The following CRADD variants were observed in gnomAD, a reference collection of about 807,000 sequenced individuals.
CRADD encodes the protein CARD and death domain containing adaptor protein.
CRADD carries 9 observed loss-of-function variants against 15.5 expected under a neutral mutation model. That is an observed-to-expected ratio of 0.58 (90% CI 0.35 to 1.01). CRADD has a LOEUF of 1.01. CRADD is among the 50% of genes least tolerant of loss of function. CRADD has a pLI of 0.02. For missense variants in CRADD, 227 were observed against 250.3 expected (o/e 0.91, Z 0.63); for synonymous variants, 118 against 107.6 (o/e 1.10, Z -0.60).
intron 2 of CRADD, among the ~76,000 whole-genome samples, chr12:93,710,214 T>C (rs1424847191): frequency 6.6e-6 from 1 of 152,216 alleles, no homozygotes; most frequent in Non-Finnish European, 1.5e-5. Flanking sequence ...TCCTGTTGGC[T>C]GTGCACTAGA....
At chr12:93,740,403 G>T (rs1003095871) in intron 2 of CRADD, among the ~76,000 whole-genome samples, 2 of 152,024 alleles carry the variant, frequency 1.3e-5, no homozygotes, top group Admixed American at 6.5e-5. Flanking sequence ...AATTCTAAGG[G>T]TTATAAGCCA....
chr12:93,789,709 A>G (rs1403051980), intron 2 of CRADD, among the ~76,000 whole-genome samples: 1 of 148,932 alleles, frequency 6.7e-6, no homozygotes, highest in Non-Finnish European at 1.5e-5. Flanking sequence ...GTGTGAAAGC[A>G]TATCAAATTG....
At chr12:93,751,290 G>A (rs1438956690) in intron 2 of CRADD, among the ~76,000 whole-genome samples, 2 of 152,172 alleles carry the variant, frequency 1.3e-5, no homozygotes, top group African/African-American at 4.8e-5. Flanking sequence ...CCTACAGTGA[G>A]GGCAGTCTGT....
intron 2 of CRADD, among the ~76,000 whole-genome samples, chr12:93,764,511 T>C (rs781124410): frequency 2.2e-4 from 34 of 152,162 alleles, no homozygotes; most frequent in Non-Finnish European, 3.8e-4. Flanking sequence ...CTCTTATTGA[T>C]AGATTTTAAT....
At chr12:93,873,307 G>T (rs1958435552) in intron 2 of CRADD, among the ~76,000 whole-genome samples, 1 of 151,986 alleles carries the variant, frequency 6.6e-6, no homozygotes, top group Non-Finnish European at 1.5e-5. Flanking sequence ...TAGTTTCTTT[G>T]TGGAGTCTTT....
At chr12:93,843,173 G>A (rs543674603) in intron 2 of CRADD, among the ~76,000 whole-genome samples, 2 of 152,174 alleles carry the variant, frequency 1.3e-5, no homozygotes, top group South Asian at 2.1e-4. Context: ...GCAATTAGAA[G>A]GTGCAAGCCA....
At chr12:93,773,812 A>ATTT (rs1363066592) in intron 2 of CRADD, among the ~76,000 whole-genome samples, 1 of 62,714 alleles carries the variant, frequency 1.6e-5, no homozygotes, top group African/African-American at 6.5e-5. Flanking sequence ...CTACTTTGTG[A>ATTT]GTTTTTTTTT....
At chr12:93,807,060 G>C (rs1317488406) in intron 2 of CRADD, among the ~76,000 whole-genome samples, 1 of 152,146 alleles carries the variant, frequency 6.6e-6, no homozygotes, top group Non-Finnish European at 1.5e-5. Context: ...ATCATTTAGT[G>C]TAGCACACCA....
In CRADD at chr12:93,689,299, G is replaced by A. The variant is rs542075685; in HGVS notation, c.298+10227G>A. On this transcript the variant is annotated intron_variant, in intron 2 of 2. Coordinates refer to ENST00000332896, the MANE Select transcript of CRADD (RefSeq NM_003805.5). ...AGCAAGGTAGTGTTCTCTTTTTATG[G>A]GTGTAGTTCAAACTTGTAGGCTGCT... 1.1e-4 allele frequency among the ~76,000 whole-genome samples: 17 copies of A among 152,204 alleles called. No homozygotes were observed. In the South Asian group the frequency reaches 3.5e-3, roughly 32 times the overall value.
intron 2 of CRADD, among the ~76,000 whole-genome samples, chr12:93,752,690 G>T (rs1009589635): frequency 6.6e-6 from 1 of 152,154 alleles, no homozygotes; most frequent in Non-Finnish European, 1.5e-5. Context: ...AATTTATAAA[G>T]AAAAAGAGAT....
chr12:93,751,972 A>G (rs559585578), intron 2 of CRADD, among the ~76,000 whole-genome samples: 57 of 152,318 alleles, frequency 3.7e-4, no homozygotes, highest in Non-Finnish European at 7.3e-4. Flanking sequence ...CTCATTTTTC[A>G]TACTGTAGTT....
intron 2 of CRADD, among the ~76,000 whole-genome samples, chr12:93,791,360 C>T (rs943648870): frequency 6.6e-6 from 1 of 151,946 alleles, no homozygotes; most frequent in Non-Finnish European, 1.5e-5. Context: ...GGAAGGAAAC[C>T]CTGTCATTTG....
chr12:93,856,902 G>A (rs1423075422), intron 2 of CRADD, among the ~76,000 whole-genome samples: 1 of 152,082 alleles, frequency 6.6e-6, no homozygotes. Flanking sequence ...GTTTTTAAAT[G>A]TAATAACTGC....
chr12:93,715,090 G>A (rs2136872331), intron 2 of CRADD, among the ~76,000 whole-genome samples: 1 of 152,198 alleles, frequency 6.6e-6, no homozygotes, highest in South Asian at 2.1e-4. Flanking sequence ...TTCACTAAGT[G>A]GTTTTAGCTG....
chr12:93,865,343 A>C (rs549906279), intron 2 of CRADD, among the ~76,000 whole-genome samples: 5 of 152,324 alleles, frequency 3.3e-5, no homozygotes, highest in Admixed American at 6.5e-5. Context: ...TGCAGAAAGC[A>C]ATACCTATGG....
chr12:93,847,711 T>TA (rs1958148031), intron 2 of CRADD, among the ~76,000 whole-genome samples: 1 of 152,038 alleles, frequency 6.6e-6, no homozygotes, highest in Non-Finnish European at 1.5e-5. Context: ...AAGAAATGTA[T>TA]AACTATTAGG....
At chr12:93,800,235 T>C (rs749262911) in intron 2 of CRADD, among the ~76,000 whole-genome samples, 2 of 152,112 alleles carry the variant, frequency 1.3e-5, no homozygotes, top group Non-Finnish European at 2.9e-5. Context: ...AGGGTGGATA[T>C]AGTATACGTC....
At position 93,765,535 on chromosome 12, in the gene CRADD, A is replaced by G. The variant is rs1290100234; in HGVS notation, c.299-84435A>G. On this transcript the variant is annotated intron_variant, in intron 2 of 2. Coordinates refer to ENST00000332896, the MANE Select transcript of CRADD (RefSeq NM_003805.5). Reference sequence around the variant, plus strand: ...CCCATGCATTACAATGGTATCCACAATGCAGCTGTGTGGGGAGAAGGTAAG... The same window carrying G: ...CCCATGCATTACAATGGTATCCACAGTGCAGCTGTGTGGGGAGAAGGTAAG... Among the ~76,000 whole-genome samples, 3 of 152,114 alleles carry G rather than the reference A, an allele frequency of 2.0e-5. No individual in the cohort carries two copies. The East Asian group carries it at 5.8e-4, about 29-fold the overall frequency.
intron 2 of CRADD, among the ~76,000 whole-genome samples, chr12:93,720,736 C>G (rs184767440): frequency 5.3e-5 from 8 of 152,336 alleles, no homozygotes; most frequent in African/African-American, 1.9e-4. Flanking sequence ...GCTACTCCCA[C>G]TTGCTTTTGA....
Sources: gnomAD v4.1 joint callset for allele counts (sites outside exome capture counted in the v4.1 genomes callset) on GRCh38, gnomAD v4.1.1 for gene constraint, MANE v1.5 for transcripts, NCBI Gene and HGNC (gene_info 2026-07-23, HGNC 2026-07-21) for gene names.